The following DNAH14 variants were observed in gnomAD, a reference collection of about 807,000 sequenced individuals.
DNAH14 encodes the protein axonemal beta dynein heavy chain 14.
Under a neutral mutation model 520.9 loss-of-function variants are expected in DNAH14, and 478 were observed. That is an observed-to-expected ratio of 0.92 (90% confidence interval 0.85 to 0.99). DNAH14 has a LOEUF of 0.99. Among genes scored for constraint, DNAH14 ranks in the 50% least tolerant of loss-of-function variants. The probability of loss-of-function intolerance (pLI) is 0.00; values close to 1 mark genes in which losing one functional copy is unlikely to be tolerated. For synonymous variants in DNAH14, 1,581 were observed against 1,757.2 expected, an observed-to-expected ratio of 0.90 and a Z score of 2.51; for missense variants, 4,831 against 5,234.5, an observed-to-expected ratio of 0.92 and a Z score of 2.38.
intron 84 of DNAH14, 121 bp downstream of exon 84, chr1:225,392,572 G>T: frequency 8.1e-7 from 1 of 1,235,658 alleles, no homozygotes; most frequent in East Asian, 2.6e-5. Context: ...CACTAGACAG[G>T]CAGATCAACA....
At chr1:225,183,787 C>T (rs939550324) in intron 36 of DNAH14, among the ~76,000 whole-genome samples, 5 of 151,108 alleles carry the variant, frequency 3.3e-5, no homozygotes, top group African/African-American at 4.9e-5. Flanking sequence ...AAGACTATTA[C>T]GAACACATCT....
chr1:225,378,654 G>A (rs1042535002), intron 79 of DNAH14, among the ~76,000 whole-genome samples: 3 of 152,054 alleles, frequency 2.0e-5, no homozygotes, highest in Non-Finnish European at 4.4e-5. Context: ...AGGCCGAGGC[G>A]GGTGGGTCAC....
intron 41 of DNAH14, among the ~76,000 whole-genome samples, chr1:225,209,954 C>A (rs761488065): frequency 6.6e-6 from 1 of 152,134 alleles, no homozygotes; most frequent in Non-Finnish European, 1.5e-5. Flanking sequence ...CCATGAGGAA[C>A]AGTGCATTCT....
At chr1:225,095,173 G>A (rs1475020064) in intron 21 of DNAH14, among the ~76,000 whole-genome samples, 4 of 152,056 alleles carry the variant, frequency 2.6e-5, no homozygotes, top group East Asian at 1.9e-4. Context: ...ATATAAAATT[G>A]TTCTATCATA....
chr1:225,377,103 C>T (rs971506961), intron 78 of DNAH14, 134 bp from the exon 79 acceptor site: 8 of 697,388 alleles, frequency 1.1e-5, no homozygotes, highest in South Asian at 3.4e-5. Flanking sequence ...AGAAAGCCTT[C>T]GGTATAAAAT....
At chr1:225,137,812 AG>A (rs2079085758) in intron 27 of DNAH14, among the ~76,000 whole-genome samples, 4 of 152,170 alleles carry the variant, frequency 2.6e-5, no homozygotes, top group African/African-American at 9.7e-5. Context: ...GTGTTTCACT[AG>A]GGGGTGACCC....
chr1:225,261,527 T>C (rs1015904683), intron 46 of DNAH14, among the ~76,000 whole-genome samples: 1 of 152,194 alleles, frequency 6.6e-6, no homozygotes, highest in African/African-American at 2.4e-5. Context: ...TTTAATATAC[T>C]ATTGAATTTG....
At chr1:225,067,609 C>T (rs1164186204) in intron 17 of DNAH14, among the ~76,000 whole-genome samples, 1 of 152,072 alleles carries the variant, frequency 6.6e-6, no homozygotes, top group Non-Finnish European at 1.5e-5. Context: ...CCTTTTTCTC[C>T]ACAACCTCAC....
intron 1 of DNAH14, among the ~76,000 whole-genome samples, chr1:224,938,017 A>T (rs967105098): frequency 5.9e-5 from 9 of 152,154 alleles, no homozygotes; most frequent in Non-Finnish European, 1.0e-4. Context: ...ATAAAACTGG[A>T]CCCCTATCTC....
In DNAH14 at chr1:225,118,521, T is replaced by TA. The variant is rs779356727; in HGVS notation, c.4091+529dup. Among the ~76,000 whole-genome samples the TA allele has an allele frequency of 9.2e-5, 14 of 152,200 alleles. No homozygotes were observed. In the East Asian group the frequency reaches 2.3e-3, roughly 25 times the overall value. On this transcript the variant is annotated intron_variant, in intron 25 of 85. Coordinates refer to ENST00000682510, the MANE Select transcript of DNAH14 (RefSeq NM_001367479.1). ...AGTGGTCCTGATGTAAGTTGATTTT[T>TA]AAAAAAATGCTGTGCCCAACCCTTC...
chr1:225,132,230 G>T (rs1012020075), intron 27 of DNAH14, among the ~76,000 whole-genome samples: 9 of 151,920 alleles, frequency 5.9e-5, no homozygotes, highest in Non-Finnish European at 1.0e-4. Flanking sequence ...AAGTTCAGGG[G>T]TACATGTGCA....
intron 72 of DNAH14, among the ~76,000 whole-genome samples, chr1:225,352,231 T>A (rs1462290103): frequency 2.0e-5 from 3 of 152,114 alleles, no homozygotes; most frequent in Non-Finnish European, 4.4e-5. Flanking sequence ...TGGGAAAGGA[T>A]CTTACCTTAA....
At chr1:225,059,374 G>C (rs2069655206) in intron 17 of DNAH14, among the ~76,000 whole-genome samples, 1 of 151,888 alleles carries the variant, frequency 6.6e-6, no homozygotes, top group Non-Finnish European at 1.5e-5. Context: ...TTTTCCATTT[G>C]CTTGGTAGAT....
chr1:225,358,637 C>T lies in DNAH14; in HGVS notation c.11761C>T (p.Leu3921Phe). The change falls in exon 74 of 86, where the codon CTT becomes TTT. Residue 3921 changes from leucine (L) to phenylalanine (F), a missense_variant. Transcript: ENST00000682510. ...KGSNARTPLI[L>F]IQTHGIDLTN... ...ATCCAATGCCAGAACTCCGCTGATA[C>T]TTATTCAAACTCATGGTAAGCTATT... 1.3e-6 allele frequency: 2 copies of T among 1,547,612 alleles called. No individual in the cohort carries two copies. Among genetic ancestry groups the T allele is most frequent in the Non-Finnish European group, 1.7e-6 (2 of 1,145,798 alleles).
At chr1:225,374,655 C>A in intron 77 of DNAH14, 33 bp from the exon 78 acceptor site, 1 of 1,489,146 alleles carries the variant, frequency 6.7e-7, no homozygotes, top group Admixed American at 2.1e-5. Flanking sequence ...GAAACACATA[C>A]TGAAATAATA....
chr1:225,151,249 T>C (rs2080473419), intron 31 of DNAH14, among the ~76,000 whole-genome samples: 1 of 152,226 alleles, frequency 6.6e-6, no homozygotes, highest in African/African-American at 2.4e-5. Context: ...TAATGGATAC[T>C]AACTTGTGGC....
At chr1:225,200,525 G>C (rs2086684336) in intron 38 of DNAH14, among the ~76,000 whole-genome samples, 1 of 152,098 alleles carries the variant, frequency 6.6e-6, no homozygotes, top group South Asian at 2.1e-4. Context: ...AGTTCTTGTA[G>C]TGCTGGCTTG....
intron 17 of DNAH14, among the ~76,000 whole-genome samples, chr1:225,078,516 C>T (rs1424946983): frequency 1.3e-5 from 2 of 152,098 alleles, no homozygotes; most frequent in African/African-American, 4.8e-5. Flanking sequence ...CTTTTGTTAA[C>T]AGTAGAAGGA....
At chr1:225,306,597 T>A (rs1212868455) in intron 58 of DNAH14, among the ~76,000 whole-genome samples, 1 of 152,136 alleles carries the variant, frequency 6.6e-6, no homozygotes, top group Non-Finnish European at 1.5e-5. Flanking sequence ...TTCACAGCCA[T>A]GTAATCAGTA....
Sources: allele counts gnomAD v4.1 joint callset (sites outside exome capture counted in the v4.1 genomes callset), GRCh38; gene constraint gnomAD v4.1.1; transcripts MANE v1.5; gene names NCBI Gene and HGNC (gene_info 2026-07-23, HGNC 2026-07-21).